NEK3: variants seen among roughly 807,000 people sequenced by gnomAD.
NEK3 encodes the protein NIMA related kinase 3, also known as serine/threonine-protein kinase Nek3.
A neutral mutation model predicts 66.0 loss-of-function variants in NEK3; 54 were observed. The observed-to-expected ratio is 0.82, with a 90% CI of 0.66 to 1.03. NEK3 has a LOEUF of 1.03. Ranked by LOEUF, NEK3 falls within the 50% of genes least tolerant of loss-of-function variation. The probability of loss-of-function intolerance (pLI) is 0.00; values close to 1 mark genes in which losing one functional copy is unlikely to be tolerated. For synonymous variants in NEK3, 200 were observed against 206.2 expected (o/e 0.97, Z 0.26); for missense variants, 593 against 603.0 (o/e 0.98, Z 0.17).
At position 52,136,839 on chromosome 13, in the gene NEK3, C is replaced by T. The variant is rs1255336236; in HGVS notation, c.991G>A (p.Val331Ile). ...TDLESINENL[V>I]ESALRRVNRE... ...TTTACTCTTCTCAATGCACTTTCAACTAAATTTTCATTAATGCTTTCCAAA... is the reference window on the plus strand; with the variant it reads ...TTTACTCTTCTCAATGCACTTTCAATTAAATTTTCATTAATGCTTTCCAAA... Residue 331 changes from valine (V) to isoleucine (I), a missense_variant, in exon 12 of 16, where the codon GTT (valine) becomes ATT (isoleucine). By Grantham distance (29) the Val-to-Ile change is conservative (BLOSUM62 3). Coordinates refer to ENST00000610828, the MANE Select transcript of NEK3 (RefSeq NM_002498.3). The T allele has an allele frequency of 6.4e-7, 1 of 1,572,368 alleles. No individual in the cohort carries two copies. Among genetic ancestry groups the T allele is most frequent in the South Asian group, 1.2e-5 (1 of 85,628 alleles).
intron 13 of NEK3, 75 bp from the exon 14 acceptor site, chr13:52,135,938 C>G: frequency 1.3e-6 from 2 of 1,541,064 alleles, no homozygotes; most frequent in Non-Finnish European, 8.8e-7. Flanking sequence ...ATCATATTTT[C>G]AAGCGAAGTT....
rs976141978 is a variant in NEK3 at position 52,135,844 on chromosome 13, G to A, written c.1194C>T (p.Tyr398=). ...ACTGCTTACGAGTAGTATTTTTGCTGTACTTTATTACAGAACCACCTAGTT... is the reference window on the plus strand; with the variant it reads ...ACTGCTTACGAGTAGTATTTTTGCTATACTTTATTACAGAACCACCTAGTT... ...EDDRGGSVIK[Y]SKNTTRKQWL... is the part of the protein sequence containing the mutation. The change falls in exon 14 of 16, where the codon TAC becomes TAT. Residue 398 remains tyrosine (Y), a synonymous_variant. Transcript: ENST00000610828. 8 of 1,612,114 alleles carry A rather than the reference G, an allele frequency of 5.0e-6. No homozygotes were observed. The highest frequency in any genetic ancestry group is 6.8e-6 in the Non-Finnish European group (8 of 1,179,318).
chr13:52,158,131 C>A (rs1169912790), intron 1 of NEK3, among the ~76,000 whole-genome samples: 1 of 152,234 alleles, frequency 6.6e-6, no homozygotes. Flanking sequence ...CCCGCCTCGG[C>A]CTCCCAAAGT....
chr13:52,141,114 G>C, intron 10 of NEK3, 45 bp from the exon 11 acceptor site: 1 of 1,524,990 alleles, frequency 6.6e-7, no homozygotes, highest in Non-Finnish European at 8.9e-7. Context: ...ACACATAAAG[G>C]ATCATCCTAT....
In NEK3 at chr13:52,136,080, T is replaced by C. The variant is rs182890974; in HGVS notation, c.1174+36A>G. The C allele has an allele frequency of 1.9e-6, 3 of 1,608,990 alleles. No individual in the cohort carries two copies. The African/African-American group carries it at 4.0e-5, about 22-fold the overall frequency. On this transcript the variant is annotated intron_variant, in intron 13 of 15. Coordinates refer to ENST00000610828, the MANE Select transcript of NEK3 (RefSeq NM_002498.3). ...ACTAAGTAACTATTAGAAAAAGTTC[T>C]CTAATAAAATAATAGTATTCAATCT...
At chr13:52,149,637 A>G (rs1419206833) in intron 7 of NEK3, among the ~76,000 whole-genome samples, 1 of 152,120 alleles carries the variant, frequency 6.6e-6, no homozygotes, top group Non-Finnish European at 1.5e-5. Flanking sequence ...TGGGAGGCCG[A>G]GCCGGGCAGA....
chr13:52,154,039 C>G (rs766989789), intron 3 of NEK3, 41 bp downstream of exon 3: 3 of 1,602,890 alleles, frequency 1.9e-6, no homozygotes, highest in Middle Eastern at 3.3e-4. Context: ...GGCTATAAAT[C>G]AAATTCAGAA....
rs755844877 is a variant in NEK3 at position 52,143,265 on chromosome 13, G to A, written c.877+650C>T. On this transcript the variant is annotated intron_variant, in intron 10 of 15. Coordinates refer to ENST00000610828, the MANE Select transcript of NEK3 (RefSeq NM_002498.3). ...TGGGGGGCAGAGGTTGCAGTGAGCC[G>A]AGATTGTGCCATTGCACTCCAGCCT... 7.3e-5 allele frequency among the ~76,000 whole-genome samples: 11 copies of A among 151,600 alleles called. 1 individual carries two copies. The East Asian group carries it at 9.7e-4, about 13-fold the overall frequency.
intron 10 of NEK3, among the ~76,000 whole-genome samples, chr13:52,142,710 A>G (rs1956261933): frequency 6.6e-6 from 1 of 152,244 alleles, no homozygotes; most frequent in African/African-American, 2.4e-5. Context: ...GTATCTGCAT[A>G]TAACATTATG....
In NEK3 at chr13:52,136,896, C is replaced by T. The variant is rs1423904925; in HGVS notation, c.934G>A (p.Glu312Lys). 6.4e-7 allele frequency: 1 copy of T among 1,557,452 alleles called. No homozygotes were observed. Among genetic ancestry groups the T allele is most frequent in the Non-Finnish European group, 8.7e-7 (1 of 1,149,866 alleles). Residue 312 changes from glutamate to lysine, a missense_variant, in exon 12 of 16, where the codon GAA becomes AAA. Transcript: ENST00000610828. ...TGGCTACCCTTTCTATCTTGTTCTT[C>T]CTCTTGCTTTAAAAGAGATTAACAA... Reference protein sequence around the residue: ...LGNEASTVQEEEQDRKGSHTD... With the variant: ...LGNEASTVQEKEQDRKGSHTD...
At chr13:52,140,180 A>C (rs1594022977) in intron 11 of NEK3, among the ~76,000 whole-genome samples, 2 of 143,510 alleles carry the variant, frequency 1.4e-5, no homozygotes. Context: ...ACGTCATTGC[A>C]CTCCAGCTTG....
intron 8 of NEK3, chr13:52,148,002 GAAACA>G (rs1188148451): frequency 2.6e-5 from 4 of 155,058 alleles, no homozygotes; most frequent in Non-Finnish European, 4.3e-5. Flanking sequence ...TCTCAAAAAC[GAAACA>G]AAACAAAACA....
intron 8 of NEK3, among the ~76,000 whole-genome samples, chr13:52,147,819 A>G (rs537931237): frequency 1.3e-5 from 2 of 152,154 alleles, no homozygotes; most frequent in South Asian, 4.1e-4. Flanking sequence ...TACAAAAAAA[A>G]TGTCTCTAGT....
At chr13:52,145,336 A>C (rs1260366879) in intron 8 of NEK3, among the ~76,000 whole-genome samples, 1 of 152,104 alleles carries the variant, frequency 6.6e-6, no homozygotes, top group Non-Finnish European at 1.5e-5. Flanking sequence ...AGTTTTCTAC[A>C]GGTGGTTTTT....
At chr13:52,144,317 G>A (rs772984115) in intron 9 of NEK3, among the ~76,000 whole-genome samples, 11 of 152,206 alleles carry the variant, frequency 7.2e-5, no homozygotes, top group Non-Finnish European at 1.3e-4. Context: ...TTGGGAGGCT[G>A]AGGCAGGGGA....
Position 52,146,121 on chromosome 13 carries a change from C to T in NEK3, c.604-1230G>A, listed in dbSNP as rs565743044. On this transcript the variant is annotated intron_variant, in intron 8 of 15. Coordinates refer to ENST00000610828, the MANE Select transcript of NEK3 (RefSeq NM_002498.3). ...CCTTAATAATTTCTGCTTGTCGAAT[C>T]TTGCTTAAGAAATGATTCTACACCT... 7.5e-4 allele frequency among the ~76,000 whole-genome samples: 114 copies of T among 152,200 alleles called. 1 individual carries two copies. In the Middle Eastern group the frequency reaches 0.01, roughly 14 times the overall value.
At chr13:52,137,788 G>A (rs561955458) in intron 11 of NEK3, among the ~76,000 whole-genome samples, 2 of 152,298 alleles carry the variant, frequency 1.3e-5, no homozygotes, top group African/African-American at 2.4e-5. Context: ...TCCTCTGGGC[G>A]CTATTCAACT....
At chr13:52,146,909 A>G (rs1956299669) in intron 8 of NEK3, among the ~76,000 whole-genome samples, 1 of 152,192 alleles carries the variant, frequency 6.6e-6, no homozygotes, top group Admixed American at 6.5e-5. Flanking sequence ...TGTGCCCTCA[A>G]GTACATCTGT....
At chr13:52,140,816 C>G (rs150951929) in intron 11 of NEK3, among the ~76,000 whole-genome samples, 2 of 151,478 alleles carry the variant, frequency 1.3e-5, no homozygotes, top group African/African-American at 4.9e-5. Flanking sequence ...ATTTCATAAA[C>G]GTATTTTTTT....
Sources: gnomAD v4.1 joint callset for allele counts (sites outside exome capture counted in the v4.1 genomes callset) on GRCh38, gnomAD v4.1.1 for gene constraint, MANE v1.5 for transcripts, NCBI Gene and HGNC (gene_info 2026-07-23, HGNC 2026-07-21) for gene names.